The following HDAC9 variants were observed in gnomAD, a reference collection of about 807,000 sequenced individuals.
The protein encoded by HDAC9 is histone deacetylase 9.
Under a neutral mutation model 139.4 loss-of-function variants are expected in HDAC9, and 41 were observed. That is an observed-to-expected ratio of 0.29 (90% CI 0.23 to 0.38). The LOEUF is 0.38. HDAC9 is among the 10% of genes least tolerant of loss of function. The pLI, the probability that HDAC9 is intolerant of heterozygous loss-of-function variation, is 1.00. For synonymous variants in HDAC9, 517 were observed against 476.2 expected (o/e 1.09, Z -1.12); for missense variants, 1,147 against 1,297.0 (o/e 0.88, Z 1.78).
At chr7:18,102,756 A>T (rs1181156109) in intron 1 of HDAC9, among the ~76,000 whole-genome samples, 1 of 152,138 alleles carries the variant, frequency 6.6e-6, no homozygotes, top group African/African-American at 2.4e-5. Context: ...CCATGTGACA[A>T]AGTTCTGACC....
chr7:18,834,878 A>T (rs139167469), intron 19 of HDAC9, among the ~76,000 whole-genome samples: 2 of 152,308 alleles, frequency 1.3e-5, no homozygotes, highest in Admixed American at 1.3e-4. Context: ...TTTGACCTTA[A>T]TGGTGGGACT....
At chr7:18,318,764 A>T (rs1219478965) in intron 1 of HDAC9, among the ~76,000 whole-genome samples, 1 of 152,200 alleles carries the variant, frequency 6.6e-6, no homozygotes, top group African/African-American at 2.4e-5. Flanking sequence ...TCACAGAATT[A>T]TGTGAAATAC....
At chr7:18,203,054 C>G (rs560226260) in intron 2 of HDAC9, among the ~76,000 whole-genome samples, 2 of 152,244 alleles carry the variant, frequency 1.3e-5, no homozygotes, top group South Asian at 4.2e-4. Context: ...AAAACAGTCC[C>G]CACGTGCCTA....
intron 12 of HDAC9, among the ~76,000 whole-genome samples, chr7:18,686,245 A>G (rs1417337554): frequency 5.3e-5 from 8 of 151,974 alleles, no homozygotes; most frequent in African/African-American, 1.9e-4. Flanking sequence ...ATTTGCTACT[A>G]TGCTAACTTT....
intron 24 of HDAC9, among the ~76,000 whole-genome samples, chr7:18,963,766 G>A (rs1359878006): frequency 2.6e-5 from 4 of 152,148 alleles, no homozygotes; most frequent in African/African-American, 4.8e-5. Context: ...ACACTAGCAA[G>A]CGTTATCTCT....
chr7:18,156,594 C>G (rs1787221000), intron 1 of HDAC9, among the ~76,000 whole-genome samples: 1 of 152,194 alleles, frequency 6.6e-6, no homozygotes. Context: ...TGCCATGTAT[C>G]AGGTACTCTA....
intron 1 of HDAC9, among the ~76,000 whole-genome samples, chr7:18,152,272 A>G (rs1405821603): frequency 2.0e-5 from 3 of 152,216 alleles, no homozygotes; most frequent in African/African-American, 7.2e-5. Context: ...GCAAGTAACT[A>G]TTAGAGCCAG....
intron 2 of HDAC9, among the ~76,000 whole-genome samples, chr7:18,223,475 T>G (rs1000456401): frequency 3.3e-5 from 5 of 151,954 alleles, no homozygotes; most frequent in Non-Finnish European, 7.4e-5. Flanking sequence ...ACAGAATACT[T>G]TAGCTTCCCT....
At chr7:18,374,586 A>C (rs1456802520) in intron 1 of HDAC9, among the ~76,000 whole-genome samples, 1 of 151,050 alleles carries the variant, frequency 6.6e-6, no homozygotes, top group African/African-American at 2.5e-5. Flanking sequence ...ACAACATTAA[A>C]ATGGCTACAA....
intron 2 of HDAC9, among the ~76,000 whole-genome samples, chr7:18,536,589 A>G (rs1322956267): frequency 6.6e-6 from 1 of 152,220 alleles, no homozygotes; most frequent in Non-Finnish European, 1.5e-5. Context: ...GTTTAAGAAG[A>G]CTTCTACTTA....
rs1302069509 is a variant in HDAC9, at chr7:18,590,431, G to A, written c.360G>A (p.Arg120=). 4 of 1,607,560 alleles carry A rather than the reference G, an allele frequency of 2.5e-6. No individual in the cohort carries two copies. The highest frequency in any genetic ancestry group is 3.4e-6 in the Non-Finnish European group (4 of 1,176,798). Residue 120 remains arginine, a synonymous_variant, in exon 4 of 26, where the codon AGG becomes AGA. Coordinates refer to ENST00000686413, the MANE Select transcript of HDAC9 (RefSeq NM_178425.4). ...AGAGGCAAGAACAGGAAGTAGAGAG[G>A]CATCGCAGAGAACAGCAGCTTCCTC... The part of the protein sequence containing the change: ...EQQRQEQEVE[R]HRREQQLPPL...
chr7:18,828,789 G>GCA (rs1795646776), intron 17 of HDAC9, among the ~76,000 whole-genome samples: 1 of 152,110 alleles, frequency 6.6e-6, no homozygotes, highest in African/African-American at 2.4e-5. Flanking sequence ...ACCCAAACCT[G>GCA]CACCAAGAGT....
intron 1 of HDAC9, among the ~76,000 whole-genome samples, chr7:18,389,969 T>A (rs1381249930): frequency 6.6e-6 from 1 of 151,898 alleles, no homozygotes; most frequent in Non-Finnish European, 1.5e-5. Context: ...ATGTTCTCCA[T>A]ACGCATCAAT....
At chr7:18,163,390 T>G (rs1174732226) in intron 2 of HDAC9, among the ~76,000 whole-genome samples, 1 of 152,226 alleles carries the variant, frequency 6.6e-6, no homozygotes, top group African/African-American at 2.4e-5. Context: ...GCCTGTTAGC[T>G]CTGAGTCTTT....
chr7:18,869,673 C>T (rs1349211663), intron 21 of HDAC9, among the ~76,000 whole-genome samples: 2 of 152,176 alleles, frequency 1.3e-5, no homozygotes, highest in East Asian at 1.9e-4. Flanking sequence ...ACCCAGCAGA[C>T]ATCCACTGCT....
intron 13 of HDAC9, among the ~76,000 whole-genome samples, chr7:18,738,189 C>G (rs1012631820): frequency 6.6e-6 from 1 of 152,186 alleles, no homozygotes; most frequent in Non-Finnish European, 1.5e-5. Flanking sequence ...ATACAGCACA[C>G]TGATGGATCT....
chr7:18,910,271 G>T (rs2129288880), intron 22 of HDAC9, among the ~76,000 whole-genome samples: 1 of 151,856 alleles, frequency 6.6e-6, no homozygotes, highest in South Asian at 2.1e-4. Context: ...AGAAATCTTT[G>T]ACCTCCTTGG....
At chr7:18,505,879 C>G (rs1799632658) in intron 2 of HDAC9, 1 of 152,154 alleles carries the variant, frequency 6.6e-6, no homozygotes, top group South Asian at 2.1e-4. Context: ...TGCAGATGTC[C>G]ACATGTCTGT....
chr7:18,737,751 G>A (rs1358979004), intron 13 of HDAC9, among the ~76,000 whole-genome samples: 1 of 152,198 alleles, frequency 6.6e-6, no homozygotes, highest in African/African-American at 2.4e-5. Flanking sequence ...TTGGGGTGGA[G>A]AGTTCTGTAG....
Sources: gnomAD v4.1 joint callset for allele counts (sites outside exome capture counted in the v4.1 genomes callset) on GRCh38, gnomAD v4.1.1 for gene constraint, MANE v1.5 for transcripts, NCBI Gene and HGNC (gene_info 2026-07-23, HGNC 2026-07-21) for gene names.